SYT1: variants seen among roughly 807,000 people sequenced by gnomAD.
The protein encoded by SYT1 is synaptotagmin-1.
A neutral mutation model predicts 44.8 loss-of-function variants in SYT1; 8 were observed. The ratio of observed to expected loss-of-function variants is 0.18; its 90% CI spans 0.10 to 0.32. SYT1 has a LOEUF of 0.32. Ranked by LOEUF, SYT1 falls within the 10% of genes least tolerant of loss-of-function variation. The pLI is 1.00. For missense variants in SYT1, 286 were observed against 509.3 expected (o/e 0.56, Z 4.22); for synonymous variants, 154 against 188.8 (o/e 0.82, Z 1.51).
At chr12:78,937,220 CT>C (rs149250418) in intron 1 of SYT1, among the ~76,000 whole-genome samples, 1 of 151,968 alleles carries the variant, frequency 6.6e-6, no homozygotes, top group Non-Finnish European at 1.5e-5. Context: ...TGTAATTTAA[CT>C]TTTTTTTCGA....
chr12:79,047,774 T>C (rs186182612), intron 3 of SYT1, among the ~76,000 whole-genome samples: 1 of 152,028 alleles, frequency 6.6e-6, no homozygotes, highest in Admixed American at 6.6e-5. Context: ...TTATAATCAC[T>C]AAATTGGGAT....
At position 78,929,446 on chromosome 12, in the gene SYT1, A is replaced by AAAAAAAAAAAAAAAAAAAAAAAAG. The variant is rs373264605; in HGVS notation, c.-216-48353_-216-48352insAAAAAAAAAAAAAAAAAAAAAAAG. The stretch of plus-strand genomic sequence containing the variant: ...AAAAAAAAAAAAAAAAAAAAAAAAA[A>AAAAAAAAAAAAAAAAAAAAAAAAG]GGTTATTAGCAGCAATTAGTTTTAT... On this transcript the variant is annotated intron_variant, in intron 1 of 10. Coordinates refer to ENST00000261205, the MANE Select transcript of SYT1 (RefSeq NM_005639.3). Among the ~76,000 whole-genome samples, 17 of 128,506 alleles carry AAAAAAAAAAAAAAAAAAAAAAAAG rather than the reference A, an allele frequency of 1.3e-4. 3 individuals carry two copies. Among genetic ancestry groups the AAAAAAAAAAAAAAAAAAAAAAAAG allele is most frequent in the African/African-American group, 6.6e-4 (17 of 25,816 alleles). The allele number at this position is 128,506 out of a possible 152,430, so 84.3% of individuals were successfully genotyped here.
intron 3 of SYT1, among the ~76,000 whole-genome samples, chr12:79,186,701 G>C (rs1419562658): frequency 6.6e-6 from 1 of 152,034 alleles, no homozygotes; most frequent in Non-Finnish European, 1.5e-5. Flanking sequence ...CTAGCTGCCA[G>C]ATACATTTCC....
intron 2 of SYT1, among the ~76,000 whole-genome samples, chr12:79,024,072 T>A (rs1327467709): frequency 1.3e-5 from 2 of 151,768 alleles, no homozygotes; most frequent in African/African-American, 4.8e-5. Context: ...AGAGAACTGC[T>A]GTTTTCCCAA....
intron 2 of SYT1, among the ~76,000 whole-genome samples, chr12:79,025,678 T>C (rs1309192411): frequency 6.6e-6 from 1 of 151,554 alleles, no homozygotes; most frequent in Non-Finnish European, 1.5e-5. Flanking sequence ...TCTATACATA[T>C]GTATATAGGC....
At chr12:79,232,509 T>C (rs1049929626) in intron 4 of SYT1, among the ~76,000 whole-genome samples, 2 of 152,166 alleles carry the variant, frequency 1.3e-5, no homozygotes, top group Non-Finnish European at 2.9e-5. Context: ...CTGCCTGAAA[T>C]TCCTTACTTG....
chr12:79,314,087 T>C (rs1880955506), intron 8 of SYT1, among the ~76,000 whole-genome samples: 1 of 138,354 alleles, frequency 7.2e-6, no homozygotes, highest in Admixed American at 8.0e-5. Flanking sequence ...GAGAATGGCG[T>C]GAACCCGGGA....
At chr12:79,366,296 T>C (rs1883540601) in intron 9 of SYT1, among the ~76,000 whole-genome samples, 2 of 152,362 alleles carry the variant, frequency 1.3e-5, no homozygotes, top group Admixed American at 6.5e-5. Flanking sequence ...TTTTTAAAAA[T>C]AGCTTAGTAG....
chr12:79,039,337 A>G (rs1873355621), intron 2 of SYT1, among the ~76,000 whole-genome samples: 1 of 152,086 alleles, frequency 6.6e-6, no homozygotes. Flanking sequence ...TTGTACAAAA[A>G]CATAAAAGTA....
At chr12:78,955,793 A>C (rs1480732077) in intron 1 of SYT1, among the ~76,000 whole-genome samples, 1 of 128,802 alleles carries the variant, frequency 7.8e-6, no homozygotes, top group Admixed American at 8.3e-5. Context: ...ATTTTCTGCC[A>C]AGATATTTGT....
At chr12:78,942,194 A>C (rs1431674835) in intron 1 of SYT1, among the ~76,000 whole-genome samples, 2 of 151,870 alleles carry the variant, frequency 1.3e-5, no homozygotes, top group East Asian at 3.9e-4. Flanking sequence ...TATGTCCTTT[A>C]ACTCTTTATG....
intron 9 of SYT1, among the ~76,000 whole-genome samples, chr12:79,404,247 G>A (rs1379947321): frequency 2.0e-5 from 3 of 152,078 alleles, no homozygotes; most frequent in Non-Finnish European, 2.9e-5. Flanking sequence ...CCCATGAATG[G>A]CAGACTAAAT....
chr12:79,008,356 G>A (rs1305273199), intron 2 of SYT1, among the ~76,000 whole-genome samples: 3 of 152,106 alleles, frequency 2.0e-5, no homozygotes. Context: ...AAATAGGCAT[G>A]ACCACAGCAT....
intron 4 of SYT1, among the ~76,000 whole-genome samples, chr12:79,262,371 A>C (rs1391282740): frequency 2.0e-5 from 3 of 152,166 alleles, no homozygotes; most frequent in Admixed American, 2.0e-4. Flanking sequence ...TTCCAGCCAT[A>C]GGTGTTAGCA....
intron 1 of SYT1, among the ~76,000 whole-genome samples, chr12:78,882,531 G>A (rs1874514968): frequency 6.6e-6 from 1 of 151,726 alleles, no homozygotes; most frequent in Non-Finnish European, 1.5e-5. Context: ...ATAGTAGTAT[G>A]AATAATTTGC....
At chr12:78,897,081 A>G (rs1365300693) in intron 1 of SYT1, among the ~76,000 whole-genome samples, 1 of 151,868 alleles carries the variant, frequency 6.6e-6, no homozygotes. Context: ...GGTAAATTTT[A>G]TTTTAAACTT....
intron 1 of SYT1, among the ~76,000 whole-genome samples, chr12:78,945,633 A>G (rs143417804): frequency 1.3e-5 from 2 of 152,138 alleles, no homozygotes. Flanking sequence ...TCCTTGAATC[A>G]TCAGTCTTTG....
chr12:78,956,433 T>C (rs1227178782), intron 1 of SYT1, among the ~76,000 whole-genome samples: 2 of 152,016 alleles, frequency 1.3e-5, no homozygotes, highest in Non-Finnish European at 2.9e-5. Context: ...ATCTATTTCA[T>C]TAAATTGTCT....
At chr12:78,988,829 A>G (rs956732437) in intron 2 of SYT1, among the ~76,000 whole-genome samples, 7 of 152,162 alleles carry the variant, frequency 4.6e-5, no homozygotes, top group Admixed American at 4.6e-4. Context: ...TACAAAATTT[A>G]TTCCAGTTTC....
Sources: allele counts gnomAD v4.1 joint callset (sites outside exome capture counted in the v4.1 genomes callset), GRCh38; gene constraint gnomAD v4.1.1; transcripts MANE v1.5; gene names NCBI Gene and HGNC (gene_info 2026-07-23, HGNC 2026-07-21).